Variants in TRAP1 observed in about 807,000 individuals in gnomAD.
TRAP1 encodes the protein heat shock protein 75 kDa, mitochondrial.
Under a neutral mutation model 89.1 loss-of-function variants are expected in TRAP1, and 102 were observed. The ratio of observed to expected loss-of-function variants is 1.15; its 90% CI spans 0.98 to 1.35. TRAP1 has a LOEUF of 1.35. Among genes scored for constraint, TRAP1 ranks in the 40% most tolerant of loss-of-function variants. The pLI is 0.00. For missense variants in TRAP1, 1,256 were observed against 945.3 expected, an observed-to-expected ratio of 1.33 and a Z score of -4.31; for synonymous variants, 508 against 388.0, an observed-to-expected ratio of 1.31 and a Z score of -3.64.
rs7193381 is a variant in TRAP1 at position 3,664,269 on chromosome 16, C to T, written c.1569+5G>A. The T allele has an allele frequency of 6.3e-7, 1 of 1,578,576 alleles. No homozygotes were observed. The highest frequency in any genetic ancestry group is 1.4e-5 in the African/African-American group (1 of 73,442). ...CGGAGCCCGCCCCACCCACCGCTCA[C>T]CCACCTCTGTGTCTTTCTTCTTCAT... is the stretch of plus-strand genomic sequence containing the variant. On this transcript the variant is annotated splice_donor_5th_base_variant and intron_variant, in intron 13 of 17. Coordinates refer to ENST00000246957, the MANE Select transcript of TRAP1 (RefSeq NM_016292.3).
rs142421032 is a variant in TRAP1, at chr16:3,662,105, C to A, written c.1822G>T (p.Ala608Ser). The A allele has an allele frequency of 9.8e-5, 158 of 1,612,788 alleles. 2 individuals carry two copies. In the Middle Eastern group the frequency reaches 9.9e-4, roughly 10 times the overall value. ...KVTLRLDTHP[A>S]MVTVLEMGAA... ...CCCATCTCCAGCACGGTGACCATGGCAGGGTGGGTGTCCAGTCGGAGGGTC... is the reference window on the plus strand; with the variant it reads ...CCCATCTCCAGCACGGTGACCATGGAAGGGTGGGTGTCCAGTCGGAGGGTC... The change falls in exon 16 of 18, where the codon GCC becomes TCC. Residue 608 changes from alanine to serine, a missense_variant. By Grantham distance (99) the Ala-to-Ser change is moderately conservative. Coordinates refer to ENST00000246957, the MANE Select transcript of TRAP1 (RefSeq NM_016292.3).
In TRAP1 at chr16:3,675,413, G is replaced by A; in HGVS notation, c.815-16C>T. 1 of 1,613,202 alleles carries A rather than the reference G, an allele frequency of 6.2e-7. No homozygotes were observed. The highest frequency in any genetic ancestry group is 8.5e-7 in the Non-Finnish European group (1 of 1,179,478). On this transcript the variant is annotated splice_polypyrimidine_tract_variant and intron_variant, in intron 7 of 17. Transcript: ENST00000246957. ...GTTACCACATCTGGAAGGGACAAAA[G>A]AAAAACCACACTGCATCTACAATGC...
chr16:3,706,649 T>C (rs144467759), intron 1 of TRAP1, among the ~76,000 whole-genome samples: 1 of 151,814 alleles, frequency 6.6e-6, no homozygotes, highest in East Asian at 1.9e-4. Flanking sequence ...TTTTTCGAGA[T>C]GGAGTCTCAC....
chr16:3,692,166 C>A (rs2051223306), intron 1 of TRAP1, among the ~76,000 whole-genome samples: 1 of 152,184 alleles, frequency 6.6e-6, no homozygotes, highest in Non-Finnish European at 1.5e-5. Context: ...AACTGGGAGC[C>A]TCTCCTGTTC....
At chr16:3,690,705 C>T in intron 2 of TRAP1, 122 bp downstream of exon 2, 1 of 1,079,816 alleles carries the variant, frequency 9.3e-7, no homozygotes, top group Admixed American at 3.1e-5. Context: ...ACAGCCAAGA[C>T]CTTCTGATTT....
chr16:3,662,837 G>A (rs762374327), intron 15 of TRAP1, 45 bp downstream of exon 15: 6 of 1,594,146 alleles, frequency 3.8e-6, no homozygotes, highest in Non-Finnish European at 5.2e-6. Flanking sequence ...CAGCCTGTTA[G>A]GGACACTGCG....
intron 5 of TRAP1, 185 bp from the exon 6 acceptor site, chr16:3,677,843 G>A (rs573876460): frequency 1.1e-4 from 74 of 646,934 alleles, no homozygotes; most frequent in Non-Finnish European, 1.7e-4. Flanking sequence ...TTAGCCCTAG[G>A]ACAACCAGCT....
Position 3,664,353 on chromosome 16 carries a change from A to T in TRAP1, c.1490T>A (p.Ile497Asn), listed in dbSNP as rs779151179. 3.7e-6 allele frequency: 6 copies of T among 1,612,548 alleles called. No individual in the cohort carries two copies. The highest frequency in any genetic ancestry group is 4.2e-6 in the Non-Finnish European group (5 of 1,179,510). Residue 497 changes from isoleucine to asparagine, a missense_variant, in exon 13 of 18, where the codon ATC becomes AAC. Transcript: ENST00000246957. The stretch of plus-strand genomic sequence containing the variant: ...ACGGTTGGGGGCGCACAGGTAGTAG[A>T]TGTTGCGGGTGCCGGCCCGCATGCG... ...ASRMRAGTRN[I>N]YYLCAPNRHL... is the part of the protein sequence containing the mutation.
intron 1 of TRAP1, among the ~76,000 whole-genome samples, chr16:3,711,461 C>T (rs183846983): frequency 3.9e-5 from 6 of 152,020 alleles, no homozygotes; most frequent in African/African-American, 1.4e-4. Context: ...TAGCCGGGCA[C>T]GGTAGTGCAT....
chr16:3,677,572 C>G lies in TRAP1; in HGVS notation c.630G>C (p.Met210Ile). The change falls in exon 6 of 18, where the codon ATG becomes ATC. Residue 210 changes from methionine to isoleucine, a missense_variant. Physicochemically the swap from Met to Ile is conservative, Grantham distance 10. Coordinates refer to ENST00000246957, the MANE Select transcript of TRAP1 (RefSeq NM_016292.3). ...AATAGACCTCCACTCTGTCAGCCAC[C>G]ATGAAAGCTGAGTAGAAACCCACTC... ...QFGVGFYSAF[M>I]VADRVEVYSR... The G allele has an allele frequency of 6.2e-7, 1 of 1,614,166 alleles. No homozygotes were observed. The highest frequency in any genetic ancestry group is 1.1e-5 in the South Asian group (1 of 91,088).
At chr16:3,692,010 C>T (rs1251140686) in intron 1 of TRAP1, among the ~76,000 whole-genome samples, 3 of 152,088 alleles carry the variant, frequency 2.0e-5, no homozygotes, top group Admixed American at 1.3e-4. Context: ...AGGACTGGAC[C>T]GACCCAACAC....
chr16:3,709,925 C>T (rs2151284670), intron 1 of TRAP1, among the ~76,000 whole-genome samples: 1 of 152,326 alleles, frequency 6.6e-6, no homozygotes, highest in Middle Eastern at 3.4e-3. Flanking sequence ...GCTGGGATTA[C>T]AGGCGTGAGC....
chr16:3,710,300 C>T (rs1019880199), intron 1 of TRAP1: 2 of 152,188 alleles, frequency 1.3e-5, no homozygotes, highest in South Asian at 2.1e-4. Flanking sequence ...GCCACATCTG[C>T]AAACTAGGAA....
chr16:3,700,764 C>T (rs2051354834), intron 1 of TRAP1, among the ~76,000 whole-genome samples: 1 of 152,064 alleles, frequency 6.6e-6, no homozygotes, highest in Non-Finnish European at 1.5e-5. Flanking sequence ...CCGCACCTGG[C>T]CAAGGGTGCA....
intron 5 of TRAP1, chr16:3,678,224 CCAA>C (rs2151258821): frequency 6.5e-6 from 1 of 152,730 alleles, no homozygotes; most frequent in South Asian, 2.1e-4. Context: ...GGAACTTTCT[CCAA>C]CAACAGGAAC....
intron 1 of TRAP1, chr16:3,704,360 C>T (rs1045719774): frequency 1.3e-5 from 2 of 152,090 alleles, no homozygotes; most frequent in Non-Finnish European, 2.9e-5. Context: ...CAAAACGTTG[C>T]ATTATAAAAA....
At chr16:3,670,876 C>G (rs918437468) in intron 11 of TRAP1, among the ~76,000 whole-genome samples, 7 of 152,120 alleles carry the variant, frequency 4.6e-5, no homozygotes, top group African/African-American at 1.7e-4. Context: ...CTCCCCAGAC[C>G]TGCTCCTGCC....
intron 3 of TRAP1, among the ~76,000 whole-genome samples, chr16:3,688,694 G>T (rs1219954933): frequency 1.3e-5 from 2 of 152,074 alleles, no homozygotes; most frequent in African/African-American, 4.8e-5. Flanking sequence ...GTGTTGACCA[G>T]GCTGGTCTCA....
chr16:3,681,564 T>C (rs192100479), intron 4 of TRAP1, among the ~76,000 whole-genome samples: 13 of 152,332 alleles, frequency 8.5e-5, no homozygotes, highest in South Asian at 2.1e-4. Context: ...CCGGTTTGAA[T>C]AGTCCAAAAT....
Sources: gnomAD v4.1 joint callset for allele counts (sites outside exome capture counted in the v4.1 genomes callset) on GRCh38, gnomAD v4.1.1 for gene constraint, MANE v1.5 for transcripts, NCBI Gene and HGNC (gene_info 2026-07-23, HGNC 2026-07-21) for gene names.